Variants in CAPN2 observed in about 807,000 individuals in gnomAD.
CAPN2 encodes calpain 2.
In CAPN2, 92 loss-of-function variants were observed where a neutral mutation model predicts 102.3. The observed-to-expected ratio is 0.90, with a 90% CI of 0.76 to 1.07. The LOEUF (loss-of-function observed/expected upper bound fraction) is 1.07, where lower values mean the gene tolerates loss of function less well. Ranked by LOEUF, CAPN2 falls within the 50% of genes least tolerant of loss-of-function variation. The probability of loss-of-function intolerance (pLI) is 0.00; values close to 1 mark genes in which losing one functional copy is unlikely to be tolerated. For missense variants in CAPN2, 800 were observed against 909.4 expected, an observed-to-expected ratio of 0.88 and a Z score of 1.55; for synonymous variants, 340 against 355.4, an observed-to-expected ratio of 0.96 and a Z score of 0.49.
chr1:223,725,348 A>C lies in CAPN2; in HGVS notation c.307+7517A>C, dbSNP rs143469168. On this transcript the variant is annotated intron_variant, in intron 2 of 20. Coordinates refer to ENST00000295006, the MANE Select transcript of CAPN2 (RefSeq NM_001748.5). The surrounding 1 kb of genome is among the most constrained non-coding windows in gnomAD (Gnocchi z 4.1). ...CAGTGAGCCATGATCGCACCACTGC[A>C]CTCCATCCTGGGCAATAGAGCGAGA... Among the ~76,000 whole-genome samples, 172 of 151,896 alleles carry C rather than the reference A, an allele frequency of 1.1e-3. No homozygotes were observed. Among genetic ancestry groups the C allele is most frequent in the African/African-American group, 3.8e-3 (157 of 41,386 alleles).
At chr1:223,721,752 C>G (rs929839569) in intron 2 of CAPN2, among the ~76,000 whole-genome samples, 2 of 152,220 alleles carry the variant, frequency 1.3e-5, no homozygotes, top group African/African-American at 4.8e-5. Context: ...TTTTCCAGTC[C>G]TGTTCCTTCT....
rs1436157623 is a variant in CAPN2, at chr1:223,771,878, AT to A, written c.1977del (p.Phe659LeufsTer29). 6.2e-7 allele frequency: 1 copy of A among 1,613,968 alleles called. No homozygotes were observed. Among genetic ancestry groups the A allele is most frequent in the African/African-American group, 1.3e-5 (1 of 74,896 alleles). On this transcript the variant is annotated frameshift_variant, in exon 19 of 21. Coordinates refer to ENST00000295006, the MANE Select transcript of CAPN2 (RefSeq NM_001748.5). LOFTEE classifies it high-confidence loss of function. ...ARFADDQLIIDFDNFVRCLVR... is the reference protein window; with the variant it reads ...ARFADDQLIIXFDNFVRCLVR... ...TTTGCAGATGACCAGCTCATCATCG[AT>A]TTTGATAATTTTGTTCGGTGTTTGG...
At chr1:223,772,404 T>C (rs1324826339) in intron 20 of CAPN2, 165 bp downstream of exon 20, 2 of 573,446 alleles carry the variant, frequency 3.5e-6, no homozygotes, top group Non-Finnish European at 6.2e-6. Context: ...GCACTTTTAC[T>C]TGCAGTTGTT....
At position 223,755,693 on chromosome 1, in the gene CAPN2, A is replaced by T. The variant is rs1346016644; in HGVS notation, c.1305+44A>T. The T allele has an allele frequency of 1.3e-6, 2 of 1,498,764 alleles. No homozygotes were observed. The highest frequency in any genetic ancestry group is 1.8e-6 in the Non-Finnish European group (2 of 1,120,456). 92.8% of individuals were successfully genotyped at this position (1,498,764 alleles called of 1,614,324 possible). On this transcript the variant is annotated intron_variant, in intron 10 of 20. Coordinates refer to ENST00000295006, the MANE Select transcript of CAPN2 (RefSeq NM_001748.5). This position sits in a 1 kb window ranked among gnomAD's most constrained non-coding sequence, Gnocchi z 4.1. ...CCTGCCCTCCCTTCCCCATGTGTTC[A>T]TCTCAGCCCCTGCATGGAAAGCTGA...
At chr1:223,767,192 A>AT (rs1355097739) in intron 16 of CAPN2, among the ~76,000 whole-genome samples, 1 of 143,262 alleles carries the variant, frequency 7.0e-6, no homozygotes, top group African/African-American at 2.7e-5. Flanking sequence ...TTATTTATTT[A>AT]TTTTTTATTA....
At chr1:223,719,256 A>G (rs1403227055) in intron 2 of CAPN2, among the ~76,000 whole-genome samples, 1 of 152,064 alleles carries the variant, frequency 6.6e-6, no homozygotes, top group Non-Finnish European at 1.5e-5. Context: ...ATCCAGAAAC[A>G]GCCGGCGCAG....
chr1:223,754,155 C>G lies in CAPN2; in HGVS notation c.1135+1199C>G, dbSNP rs1459980973. Among the ~76,000 whole-genome samples the G allele has an allele frequency of 6.6e-6, 1 of 152,222 alleles. No homozygotes were observed. Among genetic ancestry groups the G allele is most frequent in the Non-Finnish European group, 1.5e-5 (1 of 68,036 alleles). On this transcript the variant is annotated intron_variant, in intron 9 of 20. Coordinates refer to ENST00000295006, the MANE Select transcript of CAPN2 (RefSeq NM_001748.5). The surrounding 1 kb of genome is among the most constrained non-coding windows in gnomAD (Gnocchi z 4.7). ...CTGTGTAAGTACAGTGGCAGCAGAT[C>G]ATGGTCACATAGTGATTCTCTGTGA...
chr1:223,702,988 A>C (rs1026306350), intron 1 of CAPN2, among the ~76,000 whole-genome samples: 1 of 152,174 alleles, frequency 6.6e-6, no homozygotes, highest in Non-Finnish European at 1.5e-5. Flanking sequence ...AGAACTGAGA[A>C]GGTTTCCCTG....
intron 1 of CAPN2, among the ~76,000 whole-genome samples, chr1:223,714,850 A>C (rs1258477468): frequency 6.6e-6 from 1 of 152,222 alleles, no homozygotes; most frequent in Non-Finnish European, 1.5e-5. Context: ...CAGGTCCCCC[A>C]ACAGTTGGAA....
At chr1:223,768,215 T>A (rs1456583707) in intron 16 of CAPN2, among the ~76,000 whole-genome samples, 2 of 149,340 alleles carry the variant, frequency 1.3e-5, no homozygotes, top group Admixed American at 1.3e-4. Context: ...TTTGTCAATT[T>A]TGGCTTTTGT....
At chr1:223,765,975 G>A (rs1402687002) in intron 15 of CAPN2, among the ~76,000 whole-genome samples, 1 of 152,238 alleles carries the variant, frequency 6.6e-6, no homozygotes, top group East Asian at 1.9e-4. Flanking sequence ...CAGATGGACA[G>A]TTCAAGTAAA....
In CAPN2 at chr1:223,712,677, G is replaced by C. The variant is rs1013616001; in HGVS notation, c.37G>C (p.Glu13Gln). Residue 13 changes from glutamate (E) to glutamine (Q), a missense_variant, in exon 1 of 21, where the codon GAG (glutamate) becomes CAG (glutamine). Transcript: ENST00000295006. ...GIAAKLAKDR[E>Q]AAEGLGSHDR... ...CGCGGCCAAGCTGGCGAAGGACCGGGAGGCGGCCGAGGGGCTGGGCTCCCA... is the reference window on the plus strand; with the variant it reads ...CGCGGCCAAGCTGGCGAAGGACCGGCAGGCGGCCGAGGGGCTGGGCTCCCA... The C allele has an allele frequency of 1.3e-6, 2 of 1,554,180 alleles. No homozygotes were observed. The highest frequency in any genetic ancestry group is 1.7e-6 in the Non-Finnish European group (2 of 1,152,144).
Position 223,744,198 on chromosome 1 carries a change from G to A in CAPN2, c.406G>A (p.Ala136Thr). Reference sequence around the variant, plus strand: ...AAACCAGAGCTTCCAGGAAAACTATGCAGGGATCTTTCACTTCCAGGTAAC... The same window carrying A: ...AAACCAGAGCTTCCAGGAAAACTATACAGGGATCTTTCACTTCCAGGTAAC... ...PLNQSFQENYAGIFHFQFWQY... is the reference protein window; with the variant it reads ...PLNQSFQENYTGIFHFQFWQY... Residue 136 changes from alanine (A) to threonine (T), a missense_variant, in exon 3 of 21, where the codon GCA becomes ACA. Coordinates refer to ENST00000295006, the MANE Select transcript of CAPN2 (RefSeq NM_001748.5). 2 of 1,612,626 alleles carry A rather than the reference G, an allele frequency of 1.2e-6. No individual in the cohort carries two copies. Among genetic ancestry groups the A allele is most frequent in the Non-Finnish European group, 1.7e-6 (2 of 1,178,628 alleles).
intron 2 of CAPN2, among the ~76,000 whole-genome samples, chr1:223,735,593 T>A (rs781465986): frequency 1.1e-4 from 16 of 151,824 alleles, no homozygotes; most frequent in Non-Finnish European, 2.1e-4. Context: ...CAACCACCTC[T>A]GGTCCAGCCT....
chr1:223,705,740 G>A (rs756786900), intron 1 of CAPN2, among the ~76,000 whole-genome samples: 21 of 152,178 alleles, frequency 1.4e-4, no homozygotes, highest in South Asian at 2.1e-4. Context: ...AACAGGAAGC[G>A]TGAAAACAGG....
At position 223,754,531 on chromosome 1, in the gene CAPN2, C is replaced by T. The variant is rs1323099741; in HGVS notation, c.1136-949C>T. Among the ~76,000 whole-genome samples, 1 of 152,248 alleles carries T rather than the reference C, an allele frequency of 6.6e-6. No homozygotes were observed. The highest frequency in any genetic ancestry group is 2.4e-5 in the African/African-American group (1 of 41,450). ...TCCAATAAAACGTTATTTACAAAAA[C>T]AGGCAGCGGCCTTCGGAGCCATAGC... On this transcript the variant is annotated intron_variant, in intron 9 of 20. Transcript: ENST00000295006. The surrounding 1 kb of genome is among the most constrained non-coding windows in gnomAD (Gnocchi z 4.7).
chr1:223,713,979 C>T (rs1659807565), intron 1 of CAPN2, among the ~76,000 whole-genome samples: 1 of 152,220 alleles, frequency 6.6e-6, no homozygotes, highest in South Asian at 2.1e-4. Context: ...GTCATGGCCT[C>T]CTTTCAGTCT....
chr1:223,771,772 T>C (rs1483697100), intron 18 of CAPN2, 37 bp from the exon 19 acceptor site: 1 of 1,261,266 alleles, frequency 7.9e-7, no homozygotes, highest in Non-Finnish European at 1.2e-6. Flanking sequence ...AACAATCTAA[T>C]GCTTAGCAAT....
chr1:223,751,653 C>T (rs928130334), intron 7 of CAPN2, among the ~76,000 whole-genome samples: 8 of 150,990 alleles, frequency 5.3e-5, no homozygotes, highest in Non-Finnish European at 1.0e-4. Flanking sequence ...CTTCAGTTGT[C>T]TCTAAAAGAG....
Sources: allele counts gnomAD v4.1 joint callset (sites outside exome capture counted in the v4.1 genomes callset), GRCh38; gene constraint gnomAD v4.1.1; non-coding constraint Gnocchi (gnomAD v3.1); transcripts MANE v1.5; gene names NCBI Gene and HGNC (gene_info 2026-07-23, HGNC 2026-07-21).